Variants in GARNL3 observed in about 807,000 individuals in gnomAD.
GARNL3 encodes GTPase-activating Rap/Ran-GAP domain-like protein 3.
In GARNL3, 63 loss-of-function variants were observed where a neutral mutation model predicts 125.0. The ratio of observed to expected loss-of-function variants is 0.50; its 90% CI spans 0.41 to 0.62. The LOEUF is 0.62. GARNL3 is among the 20% of genes least tolerant of loss of function. GARNL3 has a pLI of 0.00. For missense variants in GARNL3, 994 were observed against 1,244.0 expected, an observed-to-expected ratio of 0.80 and a Z score of 3.02; for synonymous variants, 439 against 457.5, an observed-to-expected ratio of 0.96 and a Z score of 0.52.
At chr9:127,301,924 A>ATTTTT (rs2064802130) in intron 2 of GARNL3, among the ~76,000 whole-genome samples, 2 of 74,184 alleles carry the variant, frequency 2.7e-5, no homozygotes, top group Non-Finnish European at 5.2e-5. Flanking sequence ...CATTGGGAGG[A>ATTTTT]CTTTTTTTTT....
intron 22 of GARNL3, among the ~76,000 whole-genome samples, chr9:127,374,923 AAACAAC>A (rs1353158998): frequency 3.3e-5 from 5 of 151,524 alleles, no homozygotes; most frequent in African/African-American, 1.2e-4. Flanking sequence ...AAAAAAAAAA[AAACAAC>A]AAAGAAAAAC....
intron 1 of GARNL3, among the ~76,000 whole-genome samples, chr9:127,229,512 T>C (rs2062966754): frequency 2.0e-5 from 3 of 152,220 alleles, no homozygotes; most frequent in Admixed American, 2.0e-4. Context: ...TCATTTATTT[T>C]TGAGACAAAG....
At chr9:127,345,218 A>G (rs890683054) in intron 15 of GARNL3, among the ~76,000 whole-genome samples, 185 bp from the exon 16 acceptor site, 7 of 152,212 alleles carry the variant, frequency 4.6e-5, no homozygotes, top group African/African-American at 1.7e-4. Flanking sequence ...TTGGGTTGCG[A>G]CATTGTCATT....
In GARNL3 at chr9:127,243,186, TC is replaced by T; in HGVS notation, c.81del (p.Phe27LeufsTer16). 7.3e-7 allele frequency: 1 copy of T among 1,366,534 alleles called. No individual in the cohort carries two copies. The highest frequency in any genetic ancestry group is 1.1e-5 in the South Asian group (1 of 88,030). The allele number at this position is 1,366,534 out of a possible 1,614,324, so 84.7% of individuals were successfully genotyped here. A position where few individuals can be genotyped will look rare whatever the true frequency, so the allele number is the denominator to read the frequency against. On this transcript the variant is annotated frameshift_variant, in exon 2 of 11. Coordinates refer to the GARNL3 transcript ENST00000439286. LOFTEE classifies it high-confidence loss of function. ...TGGAAAGCAAAGTCGTCTCTCTCCT[TC>T]GGCATCCAGCCCCTTCAGACATGGC...
intron 6 of GARNL3, 37 bp downstream of exon 6, chr9:127,320,815 T>TTGA (rs1198225438): frequency 7.4e-7 from 1 of 1,347,950 alleles, no homozygotes; most frequent in African/African-American, 1.4e-5. Flanking sequence ...TTGTACAAAA[T>TTGA]TGATTACAGT....
chr9:127,386,950 A>C (rs932402093), intron 24 of GARNL3, among the ~76,000 whole-genome samples: 1 of 152,326 alleles, frequency 6.6e-6, no homozygotes, highest in Non-Finnish European at 1.5e-5. Context: ...ACTGTTTTCT[A>C]TTGTGGATCA....
At chr9:127,339,117 G>C (rs1355185582) in intron 12 of GARNL3, among the ~76,000 whole-genome samples, 1 of 151,910 alleles carries the variant, frequency 6.6e-6, no homozygotes, top group Non-Finnish European at 1.5e-5. Flanking sequence ...CTAACACGAT[G>C]AAACCCCGTC....
intron 1 of GARNL3, among the ~76,000 whole-genome samples, chr9:127,283,287 G>A (rs894831950): frequency 6.6e-6 from 1 of 152,170 alleles, no homozygotes; most frequent in Non-Finnish European, 1.5e-5. Flanking sequence ...ATTTTTATCT[G>A]TGCTGTCCAG....
chr9:127,278,941 A>C (rs904082200), intron 1 of GARNL3, among the ~76,000 whole-genome samples: 1 of 152,084 alleles, frequency 6.6e-6, no homozygotes, highest in South Asian at 2.1e-4. Flanking sequence ...TTTTTCTCTT[A>C]TAAAGACATC....
Position 127,301,925 on chromosome 9 carries a change from C to CTTTTT in GARNL3, c.220-9682_220-9678dup, listed in dbSNP as rs754780368. On this transcript the variant is annotated intron_variant, in intron 2 of 27. Transcript: ENST00000373387. ...TCTATCTTCCTTAGCATTGGGAGGA[C>CTTTTT]TTTTTTTTTTTTTTTTTTTTTTTTT... 9.0e-4 allele frequency among the ~76,000 whole-genome samples: 41 copies of CTTTTT among 45,436 alleles called. 3 individuals are homozygous for CTTTTT. The highest frequency in any genetic ancestry group is 1.4e-3 in the African/African-American group (13 of 9,394). 29.8% of individuals were successfully genotyped at this position (45,436 alleles called of 152,430 possible).
intron 8 of GARNL3, 79 bp from the exon 9 acceptor site, chr9:127,332,944 C>G: frequency 5.1e-6 from 5 of 971,188 alleles, no homozygotes. Flanking sequence ...AGTTAATTTT[C>G]CAGCGATTCC....
chr9:127,376,481 G>A (rs544679969), intron 22 of GARNL3, among the ~76,000 whole-genome samples: 126 of 152,264 alleles, frequency 8.3e-4, no homozygotes, highest in Non-Finnish European at 1.3e-3. Flanking sequence ...GCCTCCCAGA[G>A]TGCTGAGATT....
At position 127,321,991 on chromosome 9, in the gene GARNL3, A is replaced by G. The variant is rs1033959159; in HGVS notation, c.567+1213A>G. Reference sequence around the variant, plus strand: ...TTACCCCAAATATAGAGAGTTGTGAATTCTCATATCTTTTGTTTTGATGTA... The same window carrying G: ...TTACCCCAAATATAGAGAGTTGTGAGTTCTCATATCTTTTGTTTTGATGTA... On this transcript the variant is annotated intron_variant, in intron 6 of 27. Coordinates refer to ENST00000373387, the MANE Select transcript of GARNL3 (RefSeq NM_032293.5). 2.7e-4 allele frequency among the ~76,000 whole-genome samples: 41 copies of G among 152,166 alleles called. 1 individual carries two copies. The highest frequency in any genetic ancestry group is 1.2e-4 in the Non-Finnish European group (8 of 68,026).
chr9:127,326,998 AATAGACCAAGAC>A (rs1183968618), intron 7 of GARNL3, among the ~76,000 whole-genome samples: 1 of 152,204 alleles, frequency 6.6e-6, no homozygotes, highest in African/African-American at 2.4e-5. Flanking sequence ...TAGCAGCCCA[AATAGACCAAGAC>A]ATAGACCTTT....
At chr9:127,355,076 A>C (rs1830615611) in intron 19 of GARNL3, among the ~76,000 whole-genome samples, 1 of 152,192 alleles carries the variant, frequency 6.6e-6, no homozygotes, top group Non-Finnish European at 1.5e-5. Flanking sequence ...TATAGGCGTG[A>C]ACCACCGCAC....
At chr9:127,297,095 G>T (rs1039822988) in intron 2 of GARNL3, among the ~76,000 whole-genome samples, 4 of 152,106 alleles carry the variant, frequency 2.6e-5, no homozygotes, top group Non-Finnish European at 4.4e-5. Context: ...TTCTAGAAAG[G>T]TCTTTTTATT....
chr9:127,300,102 T>C (rs2064739403), intron 2 of GARNL3: 1 of 319,582 alleles, frequency 3.1e-6, no homozygotes. Context: ...ACTTCTTTAC[T>C]TCTCCAAGAT....
rs757800561 is a variant in GARNL3 at position 127,345,443 on chromosome 9, C to A, written c.1397C>A (p.Ser466Ter). 11 of 1,608,416 alleles carry A rather than the reference C, an allele frequency of 6.8e-6. No homozygotes were observed. The highest frequency in any genetic ancestry group is 1.7e-6 in the Non-Finnish European group (2 of 1,177,242). Residue 466 changes from serine to a stop codon, truncating the protein, a stop_gained, in exon 16 of 28, where the codon TCA (serine) becomes TAA (stop). Transcript: ENST00000373387. LOFTEE classifies it high-confidence loss of function. ...TCCATTGTGAGAGGGGATGCTCCAT[C>A]AAGCTTGGCAGCTTCAGGGATCTGT... ...LKSIVRGDAP[S>*]SLAASGICKK...
intron 21 of GARNL3, among the ~76,000 whole-genome samples, chr9:127,360,701 C>T (rs944999436): frequency 1.3e-5 from 2 of 152,158 alleles, no homozygotes; most frequent in African/African-American, 4.8e-5. Flanking sequence ...ATTTCCATTC[C>T]GTCTACATTC....
Sources: allele counts gnomAD v4.1 joint callset (sites outside exome capture counted in the v4.1 genomes callset), GRCh38; gene constraint gnomAD v4.1.1; transcripts MANE v1.5; gene names NCBI Gene and HGNC (gene_info 2026-07-23, HGNC 2026-07-21).